The following H1-0 variants were observed in gnomAD, a reference collection of about 807,000 sequenced individuals.
The protein encoded by H1-0 is H1.0 linker histone.
H1-0 carries 5 observed loss-of-function variants against 8.8 expected under a neutral mutation model. The ratio of observed to expected loss-of-function variants is 0.57; its 90% CI spans 0.30 to 1.19. The LOEUF is 1.19. H1-0 is among the 50% of genes most tolerant of loss of function. The pLI is 0.08. For synonymous variants in H1-0, 143 were observed against 101.4 expected (o/e 1.41, Z -2.46); for missense variants, 231 against 242.0 (o/e 0.95, Z 0.30).
chr22:37,805,898 C>T lies in H1-0; in HGVS notation c.354C>T (p.Ala118=). The T allele has an allele frequency of 6.2e-7, 1 of 1,614,052 alleles. No individual in the cohort carries two copies. The highest frequency in any genetic ancestry group is 1.7e-5 in the Admixed American group (1 of 60,024). ...KKTKKEIKKV[A]TPKKASKPKK... is the part of the protein sequence containing the mutation. ...CCAAGAAGGAAATCAAGAAGGTAGC[C>T]ACGCCAAAGAAGGCATCCAAGCCCA... is the stretch of plus-strand genomic sequence containing the variant. Residue 118 remains alanine (A), a synonymous_variant, in exon 1 of 1, where the codon GCC becomes GCT. Transcript: ENST00000340857.
Position 37,806,119 on chromosome 22 carries a change from A to G in H1-0, c.575A>G (p.Lys192Arg), listed in dbSNP as rs769338202. ...AAGTCCAGTGCCAAGAGGGCCGGCA[A>G]GAAGAAGTGACAATGAAGTCTTTTC... ...KAKSSAKRAGKKK is the reference protein window; with the variant it reads ...KAKSSAKRAGRKK The change falls in exon 1 of 1, where the codon AAG becomes AGG. Residue 192 changes from lysine (K) to arginine (R), a missense_variant. Physicochemically the swap from Lys to Arg is conservative, Grantham distance 26. Transcript: ENST00000340857. 6.2e-7 allele frequency: 1 copy of G among 1,605,858 alleles called. No homozygotes were observed. The highest frequency in any genetic ancestry group is 8.5e-7 in the Non-Finnish European group (1 of 1,176,044).
chr22:37,805,597 C>T lies in H1-0; in HGVS notation c.53C>T (p.Ala18Val). 6 of 1,614,162 alleles carry T rather than the reference C, an allele frequency of 3.7e-6. No individual in the cohort carries two copies. Among genetic ancestry groups the T allele is most frequent in the Non-Finnish European group, 5.1e-6 (6 of 1,180,002 alleles). The stretch of plus-strand genomic sequence containing the variant: ...GCGGCCAAGCCCAAGCGGGCCAAGG[C>T]CTCCAAGAAGTCCACAGACCACCCC... ...APAAKPKRAK[A>V]SKKSTDHPKY... The change falls in exon 1 of 1, where the codon GCC becomes GTC. Residue 18 changes from alanine to valine, a missense_variant. By Grantham distance (64) the Ala-to-Val change is moderately conservative. Coordinates refer to ENST00000340857, the MANE Select transcript of H1-0 (RefSeq NM_005318.4).
Position 37,805,725 on chromosome 22 carries a change from G to C in H1-0, c.181G>C (p.Gly61Arg). The C allele has an allele frequency of 6.2e-7, 1 of 1,614,084 alleles. No homozygotes were observed. The highest frequency in any genetic ancestry group is 8.5e-7 in the Non-Finnish European group (1 of 1,180,004). ...GTATATCAAGAGCCACTACAAGGTG[G>C]GTGAGAACGCTGACTCGCAGATCAA... ...QKYIKSHYKV[G>R]ENADSQIKLS... The change falls in exon 1 of 1, where the codon GGT (glycine) becomes CGT (arginine). Residue 61 changes from glycine to arginine, a missense_variant. Transcript: ENST00000340857.
chr22:37,805,296 A>T lies in H1-0; in HGVS notation c.-249A>T. The T allele has an allele frequency of 4.1e-6, 2 of 493,048 alleles. No individual in the cohort carries two copies. The highest frequency in any genetic ancestry group is 3.6e-6 in the Non-Finnish European group (1 of 276,694). The allele number at this position is 493,048 out of a possible 1,614,324, so 30.5% of individuals were successfully genotyped here. On this transcript the variant is annotated 5_prime_UTR_variant, in exon 1 of 1. Coordinates refer to ENST00000340857, the MANE Select transcript of H1-0 (RefSeq NM_005318.4). Reference sequence around the variant, plus strand: ...GAGGCAGAGGCAGAGGCAGAGCCCGAGCCCGGTGCCGAGACCAAGCGACAG... The same window carrying T: ...GAGGCAGAGGCAGAGGCAGAGCCCGTGCCCGGTGCCGAGACCAAGCGACAG...
At position 37,805,497 on chromosome 22, in the gene H1-0, G is replaced by A. The variant is rs753770477; in HGVS notation, c.-48G>A. The A allele has an allele frequency of 7.0e-6, 10 of 1,418,612 alleles. No individual in the cohort carries two copies. In the South Asian group the frequency reaches 1.2e-4, roughly 18 times the overall value. The allele number at this position is 1,418,612 out of a possible 1,614,324, so 87.9% of individuals were successfully genotyped here. The stretch of plus-strand genomic sequence containing the variant: ...AGGCTTTGCTCAGCCTCCGACGAGG[G>A]CTGGCCCTTTGGAAGGCGCCTTCAA... On this transcript the variant is annotated 5_prime_UTR_variant, in exon 1 of 1. Transcript: ENST00000340857.
At position 37,805,262 on chromosome 22, in the gene H1-0, G is replaced by T. The variant is rs1920973860; in HGVS notation, c.-283G>T. 1 of 382,350 alleles carries T rather than the reference G, an allele frequency of 2.6e-6. No individual in the cohort carries two copies. 23.7% of individuals were successfully genotyped at this position (382,350 alleles called of 1,614,324 possible). ...AGCTGGGAAAAGGGAGGCAGAGGAG[G>T]CGGAGGCAGAGGCAGAGGCAGAGGC... On this transcript the variant is annotated 5_prime_UTR_variant, in exon 1 of 1. Coordinates refer to ENST00000340857, the MANE Select transcript of H1-0 (RefSeq NM_005318.4).
rs151035348 is a variant in H1-0, at chr22:37,805,640, C to G, written c.96C>G (p.Ile32Met). Residue 32 changes from isoleucine to methionine, a missense_variant, in exon 1 of 1, where the codon ATC becomes ATG. Coordinates refer to ENST00000340857, the MANE Select transcript of H1-0 (RefSeq NM_005318.4). The stretch of plus-strand genomic sequence containing the variant: ...ACCACCCCAAGTATTCAGACATGAT[C>G]GTGGCTGCCATCCAGGCCGAGAAGA... ...STDHPKYSDM[I>M]VAAIQAEKNR... 5.0e-6 allele frequency: 8 copies of G among 1,614,116 alleles called. No homozygotes were observed. The highest frequency in any genetic ancestry group is 5.9e-6 in the Non-Finnish European group (7 of 1,179,974).
Position 37,806,313 on chromosome 22 carries a change from A to C in H1-0, c.*184A>C. 1 of 613,062 alleles carries C rather than the reference A, an allele frequency of 1.6e-6. No individual in the cohort carries two copies. The highest frequency in any genetic ancestry group is 2.9e-6 in the Non-Finnish European group (1 of 342,142). 38.0% of individuals were successfully genotyped at this position (613,062 alleles called of 1,614,324 possible). A position where few individuals can be genotyped will look rare whatever the true frequency, so the allele number is the denominator to read the frequency against. The stretch of plus-strand genomic sequence containing the variant: ...TTCATTTTTCCTTAACCAGTTGTGC[A>C]AGGACAGCAACAACCAATCTAATGA... On this transcript the variant is annotated 3_prime_UTR_variant, in exon 1 of 1. Transcript: ENST00000340857.
rs908606083 is a variant in H1-0 at position 37,805,276 on chromosome 22, A to G, written c.-269A>G. 8.8e-5 allele frequency: 30 copies of G among 339,576 alleles called. No homozygotes were observed. The highest frequency in any genetic ancestry group is 6.3e-4 in the Middle Eastern group (1 of 1,586). 21.0% of individuals were successfully genotyped at this position (339,576 alleles called of 1,614,324 possible). On this transcript the variant is annotated 5_prime_UTR_variant, in exon 1 of 1. Transcript: ENST00000340857. ...AGGCAGAGGAGGCGGAGGCAGAGGC[A>G]GAGGCAGAGGCAGAGCCCGAGCCCG...
At position 37,805,492 on chromosome 22, in the gene H1-0, C is replaced by T. The variant is rs904192531; in HGVS notation, c.-53C>T. ...GAGGCAGGCTTTGCTCAGCCTCCGA[C>T]GAGGGCTGGCCCTTTGGAAGGCGCC... On this transcript the variant is annotated 5_prime_UTR_variant, in exon 1 of 1. It adds an upstream start codon to the 5' untranslated region. Coordinates refer to ENST00000340857, the MANE Select transcript of H1-0 (RefSeq NM_005318.4). The T allele has an allele frequency of 4.0e-5, 54 of 1,366,870 alleles. No homozygotes were observed. Among genetic ancestry groups the T allele is most frequent in the Non-Finnish European group, 5.2e-5 (51 of 980,658 alleles). 84.7% of individuals were successfully genotyped at this position (1,366,870 alleles called of 1,614,324 possible). A position where few individuals can be genotyped will look rare whatever the true frequency, so the allele number is the denominator to read the frequency against.
chr22:37,806,100 A>G lies in H1-0; in HGVS notation c.556A>G (p.Ser186Gly). Reference protein sequence around the residue: ...AKPVKPKAKSSAKRAGKKK With the variant: ...AKPVKPKAKSGAKRAGKKK ...ACCAGTGAAACCCAAAGCAAAGTCC[A>G]GTGCCAAGAGGGCCGGCAAGAAGAA... Residue 186 changes from serine to glycine, a missense_variant, in exon 1 of 1, where the codon AGT (serine) becomes GGT (glycine). Coordinates refer to ENST00000340857, the MANE Select transcript of H1-0 (RefSeq NM_005318.4). The G allele has an allele frequency of 6.2e-7, 1 of 1,612,010 alleles. No homozygotes were observed. Among genetic ancestry groups the G allele is most frequent in the Non-Finnish European group, 8.5e-7 (1 of 1,178,856 alleles).
chr22:37,805,380 G>A lies in H1-0; in HGVS notation c.-165G>A. 2 of 581,370 alleles carry A rather than the reference G, an allele frequency of 3.4e-6. No individual in the cohort carries two copies. Among genetic ancestry groups the A allele is most frequent in the South Asian group, 4.3e-5 (2 of 46,640 alleles). The allele number at this position is 581,370 out of a possible 1,614,324, so 36.0% of individuals were successfully genotyped here. A position where few individuals can be genotyped will look rare whatever the true frequency, so the allele number is the denominator to read the frequency against. On this transcript the variant is annotated 5_prime_UTR_variant, in exon 1 of 1. Coordinates refer to ENST00000340857, the MANE Select transcript of H1-0 (RefSeq NM_005318.4). Reference sequence around the variant, plus strand: ...GCGAGCTCTCCCGACACCCGAGCCGGGGAGGAAAAGCAGCGACTCCTCGCT... The same window carrying A: ...GCGAGCTCTCCCGACACCCGAGCCGAGGAGGAAAAGCAGCGACTCCTCGCT...
At position 37,805,972 on chromosome 22, in the gene H1-0, T is replaced by C. The variant is rs1178816000; in HGVS notation, c.428T>C (p.Val143Ala). The change falls in exon 1 of 1, where the codon GTC becomes GCC. Residue 143 changes from valine (V) to alanine (A), a missense_variant. Physicochemically the swap from Val to Ala is moderately conservative, Grantham distance 64. Transcript: ENST00000340857. ...APTKKPKATPVKKAKKKLAAT... is the reference protein window; with the variant it reads ...APTKKPKATPAKKAKKKLAAT... ...ACCAAGAAACCCAAAGCCACCCCGG[T>C]CAAGAAGGCCAAGAAGAAGCTGGCT... 1.9e-6 allele frequency: 3 copies of C among 1,613,410 alleles called. No homozygotes were observed. The Admixed American group carries it at 5.0e-5, about 27-fold the overall frequency.
chr22:37,806,133 T>G lies in H1-0; in HGVS notation c.*4T>G. 1 of 1,597,792 alleles carries G rather than the reference T, an allele frequency of 6.3e-7. No individual in the cohort carries two copies. The highest frequency in any genetic ancestry group is 8.5e-7 in the Non-Finnish European group (1 of 1,171,874). On this transcript the variant is annotated 3_prime_UTR_variant, in exon 1 of 1. Coordinates refer to ENST00000340857, the MANE Select transcript of H1-0 (RefSeq NM_005318.4). ...GAGGGCCGGCAAGAAGAAGTGACAATGAAGTCTTTTCTTGCGGACACTCCC... is the reference window on the plus strand; with the variant it reads ...GAGGGCCGGCAAGAAGAAGTGACAAGGAAGTCTTTTCTTGCGGACACTCCC...
Position 37,805,476 on chromosome 22 carries a change from T to G in H1-0, c.-69T>G. 1 of 1,204,884 alleles carries G rather than the reference T, an allele frequency of 8.3e-7. No individual in the cohort carries two copies. The highest frequency in any genetic ancestry group is 2.1e-5 in the Admixed American group (1 of 47,438). The allele number at this position is 1,204,884 out of a possible 1,614,324, so 74.6% of individuals were successfully genotyped here. A position where few individuals can be genotyped will look rare whatever the true frequency, so the allele number is the denominator to read the frequency against. Reference sequence around the variant, plus strand: ...CTCAGGAGCAGATCCCGAGGCAGGCTTTGCTCAGCCTCCGACGAGGGCTGG... The same window carrying G: ...CTCAGGAGCAGATCCCGAGGCAGGCGTTGCTCAGCCTCCGACGAGGGCTGG... On this transcript the variant is annotated 5_prime_UTR_variant, in exon 1 of 1. Transcript: ENST00000340857.
chr22:37,806,932 C>T lies in H1-0; in HGVS notation c.*803C>T, dbSNP rs73411582. The stretch of plus-strand genomic sequence containing the variant: ...AGTGCCTCAGTGTGCCCTGTTGAAA[C>T]TTAGGTTTTTCCACGCAATCGATGG... On this transcript the variant is annotated 3_prime_UTR_variant, in exon 1 of 1. Coordinates refer to ENST00000340857, the MANE Select transcript of H1-0 (RefSeq NM_005318.4). The T allele has an allele frequency of 0.012, 2,069 of 167,188 alleles. 56 individuals carry two copies. The highest frequency in any genetic ancestry group is 0.047 in the African/African-American group (1,969 of 41,548). The allele number at this position is 167,188 out of a possible 1,614,324, so 10.4% of individuals were successfully genotyped here.
In H1-0 at chr22:37,805,577, C is replaced by G; in HGVS notation, c.33C>G (p.Ala11=). 1 of 1,613,442 alleles carries G rather than the reference C, an allele frequency of 6.2e-7. No homozygotes were observed. Among genetic ancestry groups the G allele is most frequent in the South Asian group, 1.1e-5 (1 of 91,044 alleles). MTENSTSAPA[A]KPKRAKASKK... ...AGAATTCCACGTCCGCCCCTGCGGCCAAGCCCAAGCGGGCCAAGGCCTCCA... is the reference window on the plus strand; with the variant it reads ...AGAATTCCACGTCCGCCCCTGCGGCGAAGCCCAAGCGGGCCAAGGCCTCCA... Residue 11 remains alanine (A), a synonymous_variant, in exon 1 of 1, where the codon GCC becomes GCG. Coordinates refer to ENST00000340857, the MANE Select transcript of H1-0 (RefSeq NM_005318.4).
rs1209536081 is a variant in H1-0 at position 37,805,763 on chromosome 22, G to C, written c.219G>C (p.Lys73Asn). 6.2e-7 allele frequency: 1 copy of C among 1,613,924 alleles called. No individual in the cohort carries two copies. The highest frequency in any genetic ancestry group is 8.5e-7 in the Non-Finnish European group (1 of 1,179,994). Residue 73 changes from lysine (K) to asparagine (N), a missense_variant, in exon 1 of 1, where the codon AAG becomes AAC. Physicochemically the swap from Lys to Asn is moderately conservative, Grantham distance 94. Coordinates refer to ENST00000340857, the MANE Select transcript of H1-0 (RefSeq NM_005318.4). ...ACTCGCAGATCAAGTTGTCCATCAA[G>C]CGCCTGGTCACCACCGGTGTCCTCA... The part of the protein sequence containing the change: ...NADSQIKLSI[K>N]RLVTTGVLKQ...
chr22:37,805,869 A>G lies in H1-0; in HGVS notation c.325A>G (p.Lys109Glu), dbSNP rs780181627. 2 of 1,613,990 alleles carry G rather than the reference A, an allele frequency of 1.2e-6. No homozygotes were observed. ...DEPKKSVAFK[K>E]TKKEIKKVAT... ...ACCCAAGAAGTCAGTGGCCTTCAAGAAGACCAAGAAGGAAATCAAGAAGGT... is the reference window on the plus strand; with the variant it reads ...ACCCAAGAAGTCAGTGGCCTTCAAGGAGACCAAGAAGGAAATCAAGAAGGT... Residue 109 changes from lysine to glutamate, a missense_variant, in exon 1 of 1, where the codon AAG becomes GAG. Physicochemically the swap from Lys to Glu is moderately conservative, Grantham distance 56 (BLOSUM62 1). Coordinates refer to ENST00000340857, the MANE Select transcript of H1-0 (RefSeq NM_005318.4).
Sources: gnomAD v4.1 joint callset for allele counts on GRCh38, gnomAD v4.1.1 for gene constraint, MANE v1.5 for transcripts, NCBI Gene and HGNC (gene_info 2026-07-23, HGNC 2026-07-21) for gene names.